The following NDUFA10 variants were observed in gnomAD, a reference collection of about 807,000 sequenced individuals.
The protein encoded by NDUFA10 is NADH dehydrogenase [ubiquinone] 1 alpha subcomplex subunit 10, mitochondrial.
NDUFA10 carries 40 observed loss-of-function variants against 47.8 expected under a neutral mutation model. That is an observed-to-expected ratio of 0.84 (90% CI 0.65 to 1.09). NDUFA10 has a LOEUF of 1.09. NDUFA10 is among the 50% of genes least tolerant of loss of function. The pLI is 0.00. For synonymous variants in NDUFA10, 183 were observed against 172.2 expected (o/e 1.06, Z -0.49); for missense variants, 413 against 451.1 (o/e 0.92, Z 0.76).
In NDUFA10 at chr2:239,976,036, C is replaced by G. The variant is rs923257450; in HGVS notation, c.999+14038G>C. On this transcript the variant is annotated intron_variant, in intron 9 of 9. Coordinates refer to ENST00000252711, the MANE Select transcript of NDUFA10 (RefSeq NM_004544.4). ...AGGGTTTCTAATAGTCAAGAAGTTACTCTAAATAAAGCCCATAAATCCTCA... is the reference window on the plus strand; with the variant it reads ...AGGGTTTCTAATAGTCAAGAAGTTAGTCTAAATAAAGCCCATAAATCCTCA... 2.0e-5 allele frequency among the ~76,000 whole-genome samples: 3 copies of G among 152,180 alleles called. 1 individual carries two copies. The South Asian group carries it at 6.2e-4, about 32-fold the overall frequency.
intron 4 of NDUFA10, among the ~76,000 whole-genome samples, chr2:239,949,195 G>A (rs1348627643): frequency 2.0e-5 from 3 of 152,210 alleles, no homozygotes; most frequent in African/African-American, 4.8e-5. Context: ...ACACTGATAC[G>A]GATAGGAGCT....
intron 4 of NDUFA10, among the ~76,000 whole-genome samples, chr2:239,939,312 C>A (rs571243751): frequency 3.3e-5 from 5 of 152,222 alleles, no homozygotes; most frequent in Non-Finnish European, 7.3e-5. Flanking sequence ...CCCAGCAGGG[C>A]ACCTGCTGAA....
intron 4 of NDUFA10, among the ~76,000 whole-genome samples, chr2:239,913,447 C>T (rs1224910597): frequency 3.3e-5 from 5 of 152,214 alleles, no homozygotes; most frequent in African/African-American, 1.2e-4. Context: ...TGAACCTTGG[C>T]CAAGAGCTTC....
At chr2:239,972,003 T>C (rs1695322207) in intron 9 of NDUFA10, among the ~76,000 whole-genome samples, 1 of 152,080 alleles carries the variant, frequency 6.6e-6, no homozygotes, top group African/African-American at 2.4e-5. Context: ...CAGATAAAGG[T>C]GACTCCAATC....
intron 4 of NDUFA10, among the ~76,000 whole-genome samples, chr2:239,925,498 T>C (rs540832291): frequency 6.6e-6 from 1 of 152,206 alleles, no homozygotes; most frequent in African/African-American, 2.4e-5. Flanking sequence ...AACTGCGACC[T>C]AAGTCTCCCT....
chr2:239,944,112 A>G (rs1694406318), intron 4 of NDUFA10, among the ~76,000 whole-genome samples: 4 of 152,082 alleles, frequency 2.6e-5, no homozygotes, highest in African/African-American at 9.7e-5. Context: ...TGCCCGCAAA[A>G]TGAGCCACCC....
In NDUFA10 at chr2:239,960,509, C is replaced by G. The variant is rs1694807697; in HGVS notation, c.*609G>C. 2 of 999,212 alleles carry G rather than the reference C, an allele frequency of 2.0e-6. No individual in the cohort carries two copies. Among genetic ancestry groups the G allele is most frequent in the Non-Finnish European group, 2.4e-6 (2 of 836,258 alleles). 61.9% of individuals were successfully genotyped at this position (999,212 alleles called of 1,614,324 possible). ...AACGTCTCTCTTAAAACATATTGTT[C>G]TGTAAATCTGTGGTAATTTTCTCCT... On this transcript the variant is annotated 3_prime_UTR_variant, in exon 10 of 10. Coordinates refer to ENST00000252711, the MANE Select transcript of NDUFA10 (RefSeq NM_004544.4).
At chr2:240,021,556 C>T in intron 2 of NDUFA10, 144 bp from the exon 3 acceptor site, 2 of 744,738 alleles carry the variant, frequency 2.7e-6, no homozygotes, top group Non-Finnish European at 4.7e-6. Context: ...CACCTACATG[C>T]CTGGGTTTCA....
chr2:239,987,212 C>A lies in NDUFA10; in HGVS notation c.999+2862G>T, dbSNP rs916041921. ...GGGCCTGTGGACTGGACAGCAGTAA[C>A]GCGTGATGCTCATTTCCTGACTCTG... On this transcript the variant is annotated intron_variant, in intron 9 of 9. Coordinates refer to ENST00000252711, the MANE Select transcript of NDUFA10 (RefSeq NM_004544.4). The surrounding 1 kb of genome is among the most constrained non-coding windows in gnomAD (Gnocchi z 4.8). Among the ~76,000 whole-genome samples, 43 of 152,212 alleles carry A rather than the reference C, an allele frequency of 2.8e-4. No homozygotes were observed. The highest frequency in any genetic ancestry group is 3.4e-3 in the Middle Eastern group (1 of 294).
chr2:239,923,163 T>C (rs149153016), intron 4 of NDUFA10, among the ~76,000 whole-genome samples: 28 of 152,308 alleles, frequency 1.8e-4, no homozygotes, highest in African/African-American at 6.5e-4. Context: ...CACAGCTTCA[T>C]AATACATAAC....
chr2:239,950,622 A>G (rs1017433523), intron 4 of NDUFA10, among the ~76,000 whole-genome samples: 8 of 152,240 alleles, frequency 5.3e-5, no homozygotes, highest in African/African-American at 1.9e-4. Context: ...AGGTAAAATC[A>G]AAGCAAACCA....
chr2:240,018,335 C>A, intron 4 of NDUFA10: 2 of 1,386,438 alleles, frequency 1.4e-6, no homozygotes, highest in Non-Finnish European at 2.0e-6. Context: ...TCTGCTTTCA[C>A]AGGGAGACAT....
At chr2:239,979,046 G>A (rs1695652993) in intron 9 of NDUFA10, among the ~76,000 whole-genome samples, 2 of 152,092 alleles carry the variant, frequency 1.3e-5, no homozygotes, top group African/African-American at 4.8e-5. Context: ...TCAGACACAG[G>A]GTGGGCGAGC....
At chr2:239,948,252 G>A (rs577005475) in intron 4 of NDUFA10, among the ~76,000 whole-genome samples, 5 of 152,324 alleles carry the variant, frequency 3.3e-5, no homozygotes, top group African/African-American at 7.2e-5. Context: ...TTCCAGAGAC[G>A]AAGCCAGGCT....
At chr2:239,973,039 A>T (rs1362012568) in intron 9 of NDUFA10, among the ~76,000 whole-genome samples, 1 of 152,212 alleles carries the variant, frequency 6.6e-6, no homozygotes, top group East Asian at 1.9e-4. Flanking sequence ...TTTTATGCTC[A>T]TCATCTTCTT....
At chr2:240,004,793 C>T (rs1414372647) in intron 8 of NDUFA10, among the ~76,000 whole-genome samples, 1 of 152,198 alleles carries the variant, frequency 6.6e-6, no homozygotes, top group Non-Finnish European at 1.5e-5. Flanking sequence ...TCACTTAGGC[C>T]TCATCCCGAG....
chr2:239,984,470 CA>C (rs1206998159), intron 9 of NDUFA10, among the ~76,000 whole-genome samples: 1 of 152,164 alleles, frequency 6.6e-6, no homozygotes, highest in Non-Finnish European at 1.5e-5. Flanking sequence ...AAATACGATT[CA>C]AAATTTTAAC....
At chr2:239,943,357 G>T (rs1694392523) in intron 4 of NDUFA10, among the ~76,000 whole-genome samples, 1 of 152,182 alleles carries the variant, frequency 6.6e-6, no homozygotes, top group African/African-American at 2.4e-5. Context: ...TTGAGATGGG[G>T]TCTCACAGTG....
intron 4 of NDUFA10, among the ~76,000 whole-genome samples, chr2:239,925,309 T>C (rs910765960): frequency 6.6e-6 from 1 of 152,114 alleles, no homozygotes; most frequent in African/African-American, 2.4e-5. Flanking sequence ...ATTACGGTAA[T>C]CAAGACTATA....
Sources: gnomAD v4.1 joint callset for allele counts (sites outside exome capture counted in the v4.1 genomes callset) on GRCh38, gnomAD v4.1.1 for gene constraint, Gnocchi (gnomAD v3.1) non-coding constraint, MANE v1.5 for transcripts, NCBI Gene and HGNC (gene_info 2026-07-23, HGNC 2026-07-21) for gene names.